Variants in PCCA observed in about 807,000 individuals in gnomAD.
PCCA encodes the protein propionyl-CoA carboxylase subunit alpha.
A neutral mutation model predicts 101.3 loss-of-function variants in PCCA; 74 were observed. The observed-to-expected ratio is 0.73, with a 90% confidence interval of 0.61 to 0.89. PCCA has a LOEUF of 0.89. Among genes scored for constraint, PCCA ranks in the 40% least tolerant of loss-of-function variants. The pLI, the probability that PCCA is intolerant of heterozygous loss-of-function variation, is 0.00. For synonymous variants in PCCA, 294 were observed against 313.6 expected (o/e 0.94, Z 0.66); for missense variants, 891 against 907.0 (o/e 0.98, Z 0.23).
Position 100,233,929 on chromosome 13 carries a change from C to G in PCCA, c.601-1913C>G, listed in dbSNP as rs762775387. Reference sequence around the variant, plus strand: ...GCTTTATGTATCCATACACACCCAGCTATAACATGTATATTCAAATAAGTG... The same window carrying G: ...GCTTTATGTATCCATACACACCCAGGTATAACATGTATATTCAAATAAGTG... On this transcript the variant is annotated intron_variant, in intron 7 of 23. Coordinates refer to ENST00000376285, the MANE Select transcript of PCCA (RefSeq NM_000282.4). Among the ~76,000 whole-genome samples, 15 of 152,266 alleles carry G rather than the reference C, an allele frequency of 9.9e-5. No homozygotes were observed. The South Asian group carries it at 3.1e-3, about 32-fold the overall frequency.
intron 19 of PCCA, among the ~76,000 whole-genome samples, chr13:100,416,215 G>A (rs563246552): frequency 6.6e-6 from 1 of 151,276 alleles, no homozygotes; most frequent in Non-Finnish European, 1.5e-5. Context: ...CTGAGACGGA[G>A]TCTCGCTCTG....
chr13:100,214,204 T>C (rs536692239), intron 7 of PCCA, among the ~76,000 whole-genome samples: 31 of 152,096 alleles, frequency 2.0e-4, no homozygotes, highest in Admixed American at 3.3e-4. Flanking sequence ...CCTGGGTCTT[T>C]TGTGGTTCTA....
At chr13:100,466,687 A>G (rs2082545997) in intron 21 of PCCA, among the ~76,000 whole-genome samples, 2 of 152,034 alleles carry the variant, frequency 1.3e-5, no homozygotes, top group South Asian at 4.2e-4. Flanking sequence ...GTGAAACCCC[A>G]TCTCTACTAA....
chr13:100,442,053 G>T lies in PCCA; in HGVS notation c.1846-7199G>T, dbSNP rs1032667085. The stretch of plus-strand genomic sequence containing the variant: ...CTGTCACTCAGGCTGTAGTGCAATG[G>T]CATGATCTCAGCTCACTGCAACCTC... On this transcript the variant is annotated intron_variant, in intron 20 of 23. Coordinates refer to ENST00000376285, the MANE Select transcript of PCCA (RefSeq NM_000282.4). 2.0e-5 allele frequency among the ~76,000 whole-genome samples: 3 copies of T among 150,124 alleles called. No homozygotes were observed. The East Asian group carries it at 5.9e-4, about 29-fold the overall frequency.
chr13:100,422,067 TTCTTTTC>T (rs2078812846), intron 19 of PCCA, among the ~76,000 whole-genome samples: 3 of 34,352 alleles, frequency 8.7e-5, no homozygotes, highest in African/African-American at 2.8e-4. Flanking sequence ...CTCTTCTCTT[TTCTTTTC>T]TTTCTTTCTT....
intron 20 of PCCA, among the ~76,000 whole-genome samples, chr13:100,434,306 G>T (rs1044592517): frequency 2.6e-5 from 4 of 152,140 alleles, no homozygotes; most frequent in African/African-American, 9.7e-5. Flanking sequence ...AAGGCAGAAG[G>T]TCAGAGATCT....
chr13:100,354,698 A>C (rs1184372520), intron 18 of PCCA, among the ~76,000 whole-genome samples: 3 of 152,176 alleles, frequency 2.0e-5, no homozygotes, highest in Admixed American at 6.5e-5. Context: ...AAATGGTCAT[A>C]AGGGAATATT....
At chr13:100,231,588 C>A (rs962726652) in intron 7 of PCCA, among the ~76,000 whole-genome samples, 12 of 152,162 alleles carry the variant, frequency 7.9e-5, no homozygotes, top group Middle Eastern at 3.2e-3. Flanking sequence ...TTGATAACTT[C>A]AGGCATGGCT....
At chr13:100,292,288 T>G (rs1238566522) in intron 12 of PCCA, among the ~76,000 whole-genome samples, 3 of 152,230 alleles carry the variant, frequency 2.0e-5, no homozygotes, top group Non-Finnish European at 2.9e-5. Context: ...TTTTGTTAAT[T>G]GCAAACATCT....
At chr13:100,529,949 A>G (rs2088263387) in intron 23 of PCCA, 149 bp from the exon 24 acceptor site, 2 of 687,078 alleles carry the variant, frequency 2.9e-6, no homozygotes, top group Non-Finnish European at 5.1e-6. Flanking sequence ...GGTCCCTTCG[A>G]TGGGCTCCGG....
chr13:100,300,632 A>G (rs567598697), intron 12 of PCCA, among the ~76,000 whole-genome samples: 1 of 152,346 alleles, frequency 6.6e-6, no homozygotes, highest in African/African-American at 2.4e-5. Flanking sequence ...AAGGTTTTAG[A>G]TGAACGGTAG....
chr13:100,159,084 CTTTTTTTTT>C (rs11350199), intron 6 of PCCA, among the ~76,000 whole-genome samples: 1 of 58,192 alleles, frequency 1.7e-5, no homozygotes, highest in Admixed American at 3.1e-4. Context: ...AAAATGCTGC[CTTTTTTTTT>C]TTTTTTTTTT....
intron 22 of PCCA, among the ~76,000 whole-genome samples, chr13:100,524,991 A>G (rs61971600): frequency 0.14 from 5,040 of 36,836 alleles, 163 homozygotes; most frequent in South Asian, 0.3. Context: ...ATGGATAGAT[A>G]GATAGATAGA....
At chr13:100,396,583 A>T (rs1039754182) in intron 19 of PCCA, among the ~76,000 whole-genome samples, 3 of 152,252 alleles carry the variant, frequency 2.0e-5, no homozygotes, top group Non-Finnish European at 4.4e-5. Flanking sequence ...TGGTCCTGGC[A>T]CATAAGCAGC....
At chr13:100,111,136 C>A (rs376694926) in intron 2 of PCCA, among the ~76,000 whole-genome samples, 7 of 150,622 alleles carry the variant, frequency 4.6e-5, no homozygotes, top group African/African-American at 1.5e-4. Flanking sequence ...CTCAGCCTCC[C>A]GAGTAGCTGA....
intron 16 of PCCA, among the ~76,000 whole-genome samples, chr13:100,322,201 G>T (rs2068130559): frequency 6.6e-6 from 1 of 152,154 alleles, no homozygotes; most frequent in Non-Finnish European, 1.5e-5. Flanking sequence ...CCAAAGCTGA[G>T]TTTCTGCCAT....
chr13:100,244,092 C>T (rs1311782931), intron 8 of PCCA, among the ~76,000 whole-genome samples: 1 of 152,174 alleles, frequency 6.6e-6, no homozygotes, highest in African/African-American at 2.4e-5. Flanking sequence ...CACAATCTTA[C>T]ATCTTGTTAA....
At position 100,235,833 on chromosome 13, in the gene PCCA, C is replaced by G; in HGVS notation, c.601-9C>G. On this transcript the variant is annotated splice_polypyrimidine_tract_variant and intron_variant, in intron 7 of 23. Transcript: ENST00000376285. ...GATTAATGTTGAGTCTCATTTCCTG[C>G]TTTTACAGGATGCAGAAGAAGCTGT... is the stretch of plus-strand genomic sequence containing the variant. 6.2e-7 allele frequency: 1 copy of G among 1,600,686 alleles called. No homozygotes were observed. The highest frequency in any genetic ancestry group is 8.6e-7 in the Non-Finnish European group (1 of 1,167,970).
chr13:100,237,429 T>C (rs1253726507), intron 8 of PCCA: 1 of 152,180 alleles, frequency 6.6e-6, no homozygotes, highest in Non-Finnish European at 1.5e-5. Context: ...ATCATTAACA[T>C]TTCAAAAAGC....
Sources: allele counts gnomAD v4.1 joint callset (sites outside exome capture counted in the v4.1 genomes callset), GRCh38; gene constraint gnomAD v4.1.1; transcripts MANE v1.5; gene names NCBI Gene and HGNC (gene_info 2026-07-23, HGNC 2026-07-21).